Variants in BACH2 observed in about 807,000 individuals in gnomAD.
BACH2 encodes the protein transcription regulator protein BACH2.
Under a neutral mutation model 61.8 loss-of-function variants are expected in BACH2, and 5 were observed. The ratio of observed to expected loss-of-function variants is 0.08; its 90% CI spans 0.04 to 0.17. The LOEUF (loss-of-function observed/expected upper bound fraction) is 0.17, where lower values mean the gene tolerates loss of function less well. Among genes scored for constraint, BACH2 ranks in the 10% least tolerant of loss-of-function variants. The pLI, the probability that BACH2 is intolerant of heterozygous loss-of-function variation, is 1.00. For missense variants in BACH2, 824 were observed against 1,091.1 expected, an observed-to-expected ratio of 0.76 and a Z score of 3.45; for synonymous variants, 446 against 440.1, an observed-to-expected ratio of 1.01 and a Z score of -0.17.
chr6:89,930,138 C>CACAT lies in BACH2; in HGVS notation c.*2269_*2270insATGT, dbSNP rs1452120023. 1 of 149,846 alleles carries CACAT rather than the reference C, an allele frequency of 6.7e-6. No individual in the cohort carries two copies. The highest frequency in any genetic ancestry group is 2.5e-5 in the African/African-American group (1 of 40,568). The allele number at this position is 149,846 out of a possible 1,614,324, so 9.3% of individuals were successfully genotyped here. A position where few individuals can be genotyped will look rare whatever the true frequency, so the allele number is the denominator to read the frequency against. ...AGACACACACACACACACACACACA[C>CACAT]ACACACACACACACACACACACACA... On this transcript the variant is annotated 3_prime_UTR_variant, in exon 9 of 9. Coordinates refer to ENST00000257749, the MANE Select transcript of BACH2 (RefSeq NM_021813.4).
intron 5 of BACH2, among the ~76,000 whole-genome samples, chr6:90,048,490 T>C (rs1387444775): frequency 6.6e-6 from 1 of 152,208 alleles, no homozygotes; most frequent in Non-Finnish European, 1.5e-5. Context: ...TTGGTGTCAA[T>C]GCAATACAAA....
Position 90,143,537 on chromosome 6 carries a change from T to C in BACH2, c.-161-54428A>G, listed in dbSNP as rs944061225. 2.6e-5 allele frequency among the ~76,000 whole-genome samples: 4 copies of C among 152,136 alleles called. No homozygotes were observed. The East Asian group carries it at 7.7e-4, about 29-fold the overall frequency. On this transcript the variant is annotated intron_variant, in intron 4 of 8. Transcript: ENST00000257749. The stretch of plus-strand genomic sequence containing the variant: ...TGAAAAAGGCCAAAGCCTTCAAACC[T>C]TTCATACTCTGACCCCAGTTTGCCT...
intron 3 of BACH2, among the ~76,000 whole-genome samples, chr6:90,209,028 G>A (rs1401295297): frequency 2.8e-5 from 3 of 106,494 alleles, no homozygotes; most frequent in African/African-American, 3.8e-5. Flanking sequence ...ACAGGGAGGG[G>A]AACATCATAC....
intron 4 of BACH2, among the ~76,000 whole-genome samples, chr6:90,124,848 A>G (rs978103050): frequency 5.9e-5 from 9 of 152,228 alleles, no homozygotes; most frequent in African/African-American, 1.9e-4. Context: ...CTAATGCCAG[A>G]ACACCAGCAA....
chr6:90,221,228 C>G (rs1400062291), intron 3 of BACH2, among the ~76,000 whole-genome samples: 1 of 152,232 alleles, frequency 6.6e-6, no homozygotes, highest in East Asian at 1.9e-4. Flanking sequence ...TCCTTTTATA[C>G]TTTTAGTCTG....
At chr6:90,184,012 C>T (rs915364826) in intron 4 of BACH2, among the ~76,000 whole-genome samples, 53 of 152,118 alleles carry the variant, frequency 3.5e-4, no homozygotes, top group African/African-American at 1.1e-3. Flanking sequence ...AGGAATGTTG[C>T]CAATTTATTT....
chr6:89,987,339 C>T (rs1334128191), intron 6 of BACH2, among the ~76,000 whole-genome samples: 1 of 152,094 alleles, frequency 6.6e-6, no homozygotes, highest in Non-Finnish European at 1.5e-5. Flanking sequence ...AAGCGAGTCA[C>T]GCCTCTGCTC....
At chr6:90,102,804 A>C (rs910749214) in intron 4 of BACH2, among the ~76,000 whole-genome samples, 10 of 123,432 alleles carry the variant, frequency 8.1e-5, no homozygotes, top group East Asian at 6.5e-4. Flanking sequence ...TAATAATAAT[A>C]ATAATAATAA....
chr6:89,974,505 C>T (rs527505250), intron 6 of BACH2, among the ~76,000 whole-genome samples: 57 of 152,244 alleles, frequency 3.7e-4, no homozygotes, highest in African/African-American at 1.3e-3. Context: ...TAAGGTTTTA[C>T]GATTCCCCAT....
intron 4 of BACH2, among the ~76,000 whole-genome samples, chr6:90,163,015 G>A (rs1582436311): frequency 6.6e-6 from 1 of 152,080 alleles, no homozygotes; most frequent in African/African-American, 2.4e-5. Context: ...CTAAGTTCCC[G>A]AAAAGCTTAT....
intron 4 of BACH2, among the ~76,000 whole-genome samples, chr6:90,161,308 G>A (rs1271018690): frequency 6.6e-6 from 1 of 152,128 alleles, no homozygotes; most frequent in Non-Finnish European, 1.5e-5. Flanking sequence ...TATTATCTGT[G>A]ATTGGTACTA....
chr6:90,089,885 CA>C (rs1782089890), intron 4 of BACH2, among the ~76,000 whole-genome samples: 1 of 152,012 alleles, frequency 6.6e-6, no homozygotes, highest in Non-Finnish European at 1.5e-5. Context: ...AATATTTGTG[CA>C]CAAAAATAGA....
intron 4 of BACH2, among the ~76,000 whole-genome samples, chr6:90,166,619 G>A (rs1343509205): frequency 3.9e-5 from 6 of 151,970 alleles, no homozygotes; most frequent in South Asian, 2.1e-4. Flanking sequence ...TGTTTATTGC[G>A]GCACTATTCA....
In BACH2 at chr6:90,040,202, G is replaced by A. The variant is rs572575540; in HGVS notation, c.-12-31346C>T. On this transcript the variant is annotated intron_variant, in intron 5 of 8. Transcript: ENST00000257749. The stretch of plus-strand genomic sequence containing the variant: ...TCCTGAATCCTTTTAGAACTTTTAC[G>A]GTTAAATTTTTTTCCCAAGTAAGTT... Among the ~76,000 whole-genome samples, 4 of 151,692 alleles carry A rather than the reference G, an allele frequency of 2.6e-5. No homozygotes were observed. The South Asian group carries it at 6.3e-4, about 24-fold the overall frequency.
In BACH2 at chr6:89,950,773, C is replaced by T. The variant is rs1286543509; in HGVS notation, c.1333G>A (p.Val445Met). 2 of 1,614,194 alleles carry T rather than the reference C, an allele frequency of 1.2e-6. No homozygotes were observed. Among genetic ancestry groups the T allele is most frequent in the Non-Finnish European group, 1.7e-6 (2 of 1,180,036 alleles). Residue 445 changes from valine (V) to methionine (M), a missense_variant, in exon 7 of 9, where the codon GTG (valine) becomes ATG (methionine). This residue lies in a region of BACH2 where 102 missense variants were observed against 98.1 expected (regional missense o/e 1.04). Coordinates refer to ENST00000257749, the MANE Select transcript of BACH2 (RefSeq NM_021813.4). The surrounding 1 kb of genome is among the most constrained non-coding windows in gnomAD (Gnocchi z 5.3). Reference protein sequence around the residue: ...SSACDQVSTSVHSYSGVSSLD... With the variant: ...SSACDQVSTSMHSYSGVSSLD... ...CTGCTCACCCCAGAATAAGAATGCA[C>T]CGAGGTGCTCACTTGGTCACAAGCG...
chr6:90,060,827 C>G (rs1780646924), intron 5 of BACH2, among the ~76,000 whole-genome samples: 1 of 152,172 alleles, frequency 6.6e-6, no homozygotes, highest in Non-Finnish European at 1.5e-5. Flanking sequence ...GAATCCCAGG[C>G]TTAAACTGGG....
At chr6:90,078,561 A>G (rs773413955) in intron 5 of BACH2, among the ~76,000 whole-genome samples, 8 of 152,202 alleles carry the variant, frequency 5.3e-5, no homozygotes, top group Non-Finnish European at 1.2e-4. Context: ...CTCCAAGAAT[A>G]GAGGAGAACT....
chr6:90,123,184 G>A (rs1013692244), intron 4 of BACH2, among the ~76,000 whole-genome samples: 1 of 152,176 alleles, frequency 6.6e-6, no homozygotes, highest in African/African-American at 2.4e-5. Flanking sequence ...AGACACAGAA[G>A]AGAAGACAGA....
intron 3 of BACH2, among the ~76,000 whole-genome samples, chr6:90,212,804 C>T (rs562023538): frequency 5.3e-5 from 8 of 152,250 alleles, no homozygotes; most frequent in Non-Finnish European, 8.8e-5. Flanking sequence ...TGGTAACACA[C>T]GCACACAAAT....
Sources: gnomAD v4.1 joint callset for allele counts (sites outside exome capture counted in the v4.1 genomes callset) on GRCh38, gnomAD v4.1.1 for gene constraint, gnomAD v4.1.1 regional missense constraint, Gnocchi (gnomAD v3.1) non-coding constraint, MANE v1.5 for transcripts, NCBI Gene and HGNC (gene_info 2026-07-23, HGNC 2026-07-21) for gene names.